Variants in INPP4B observed in about 807,000 individuals in gnomAD.
The protein encoded by INPP4B is inositol polyphosphate-4-phosphatase type II B.
In INPP4B, 55 loss-of-function variants were observed where a neutral mutation model predicts 122.5. That is an observed-to-expected ratio of 0.45 (90% CI 0.36 to 0.56). The LOEUF (loss-of-function observed/expected upper bound fraction) is 0.56, where lower values mean the gene tolerates loss of function less well. INPP4B is among the 20% of genes least tolerant of loss of function. INPP4B has a pLI of 0.00. For synonymous variants in INPP4B, 403 were observed against 388.7 expected (o/e 1.04, Z -0.43); for missense variants, 1,000 against 1,097.7 (o/e 0.91, Z 1.26).
intron 16 of INPP4B, among the ~76,000 whole-genome samples, chr4:142,166,240 T>C (rs933871369): frequency 6.6e-5 from 10 of 151,704 alleles, no homozygotes; most frequent in Non-Finnish European, 1.5e-4. Flanking sequence ...AAATTTTATA[T>C]ATGTATGAGG....
chr4:142,028,758 C>T lies in INPP4B; in HGVS notation c.*24G>A, dbSNP rs2152254131. The T allele has an allele frequency of 1.3e-6, 2 of 1,597,662 alleles. No individual in the cohort carries two copies. The highest frequency in any genetic ancestry group is 1.3e-5 in the African/African-American group (1 of 74,092). On this transcript the variant is annotated 3_prime_UTR_variant, in exon 26 of 26. Coordinates refer to ENST00000262992, the MANE Select transcript of INPP4B (RefSeq NM_001101669.3). ...ATCCAACTGAAATGTATTTGTGTTC[C>T]TGTTTATTAACATGTTGGTAAACTT... is the stretch of plus-strand genomic sequence containing the variant.
intron 11 of INPP4B, among the ~76,000 whole-genome samples, chr4:142,257,972 C>G (rs1257555840): frequency 1.3e-5 from 2 of 152,130 alleles, no homozygotes; most frequent in South Asian, 2.1e-4. Context: ...GCTACAGTAA[C>G]CAAAACAGCA....
chr4:142,392,081 A>G (rs907870226), intron 7 of INPP4B, among the ~76,000 whole-genome samples: 6 of 152,210 alleles, frequency 3.9e-5, no homozygotes, highest in Non-Finnish European at 8.8e-5. Flanking sequence ...ATATCAGAGA[A>G]AGACTGTCTT....
rs571873305 is a variant in INPP4B, at chr4:142,770,480, C to T, written c.-253-44579G>A. ...AGCATTGGTTTTCCTGCCTAATAAA[C>T]TGGCACCAGGAGCATCAAATCTTCA... On this transcript the variant is annotated intron_variant, in intron 1 of 25. Transcript: ENST00000262992. Among the ~76,000 whole-genome samples, 47 of 152,168 alleles carry T rather than the reference C, an allele frequency of 3.1e-4. 1 individual carries two copies. In the South Asian group the frequency reaches 9.3e-3, roughly 30 times the overall value.
chr4:142,227,990 A>C (rs1852365897), intron 12 of INPP4B, among the ~76,000 whole-genome samples: 1 of 151,950 alleles, frequency 6.6e-6, no homozygotes, highest in Non-Finnish European at 1.5e-5. Context: ...TTCAAAAAGA[A>C]AATTTTCTGA....
chr4:142,160,315 C>T (rs372165906), intron 17 of INPP4B, 43 bp downstream of exon 17: 2 of 1,259,638 alleles, frequency 1.6e-6, no homozygotes, highest in East Asian at 4.8e-5. Context: ...CCTTATTTCT[C>T]ATTGCCAAAC....
chr4:142,405,166 A>AGAGAGG (rs775630098), intron 6 of INPP4B, 40 bp downstream of exon 6: 2 of 1,162,296 alleles, frequency 1.7e-6, no homozygotes, highest in Non-Finnish European at 2.6e-6. Flanking sequence ...AGCAAGAGAG[A>AGAGAGG]GAGAGAGAGA....
chr4:142,323,978 A>G (rs950191889), intron 7 of INPP4B, among the ~76,000 whole-genome samples: 5 of 151,974 alleles, frequency 3.3e-5, no homozygotes, highest in Admixed American at 6.6e-5. Flanking sequence ...TGAAGCCCTT[A>G]CTCCCAAGTA....
intron 2 of INPP4B, among the ~76,000 whole-genome samples, chr4:142,634,816 G>A (rs1748734039): frequency 6.6e-6 from 1 of 151,878 alleles, no homozygotes; most frequent in South Asian, 2.1e-4. Flanking sequence ...TCTGGTCAGT[G>A]TAATAACATA....
chr4:142,527,143 T>C (rs13141068), intron 2 of INPP4B, among the ~76,000 whole-genome samples: 94 of 151,886 alleles, frequency 6.2e-4, no homozygotes, highest in Admixed American at 1.3e-3. Context: ...TAGCAATGAT[T>C]TTATCTTGGT....
chr4:142,058,911 C>T (rs369708460), intron 25 of INPP4B, among the ~76,000 whole-genome samples: 31 of 152,206 alleles, frequency 2.0e-4, no homozygotes, highest in African/African-American at 6.5e-4. Context: ...ATTATGTTTT[C>T]GTTTTACAGA....
At chr4:142,469,659 A>G (rs1013454999) in intron 2 of INPP4B, among the ~76,000 whole-genome samples, 11 of 152,180 alleles carry the variant, frequency 7.2e-5, no homozygotes, top group African/African-American at 2.4e-4. Flanking sequence ...TAGTGGGAAA[A>G]CATGGGTATC....
chr4:142,409,124 G>A (rs1376123382), intron 5 of INPP4B, among the ~76,000 whole-genome samples: 1 of 152,166 alleles, frequency 6.6e-6, no homozygotes, highest in Non-Finnish European at 1.5e-5. Context: ...GGCATCCCCA[G>A]CTCATATTTG....
At chr4:142,592,356 A>G (rs1165465497) in intron 2 of INPP4B, among the ~76,000 whole-genome samples, 2 of 152,196 alleles carry the variant, frequency 1.3e-5, no homozygotes, top group Non-Finnish European at 2.9e-5. Context: ...AATAATAATT[A>G]GCATTTAGCA....
At chr4:142,093,100 G>A (rs1346491847) in intron 23 of INPP4B, among the ~76,000 whole-genome samples, 1 of 152,046 alleles carries the variant, frequency 6.6e-6, no homozygotes, top group Middle Eastern at 3.2e-3. Flanking sequence ...TCCTCATTTT[G>A]AGATGCTCCC....
chr4:142,405,757 A>T (rs1164486315), intron 5 of INPP4B, among the ~76,000 whole-genome samples: 1 of 152,106 alleles, frequency 6.6e-6, no homozygotes, highest in African/African-American at 2.4e-5. Flanking sequence ...TTGAATTCAT[A>T]CTTGGTCCTT....
At chr4:142,574,105 A>G (rs1373242339) in intron 2 of INPP4B, among the ~76,000 whole-genome samples, 1 of 152,098 alleles carries the variant, frequency 6.6e-6, no homozygotes, top group East Asian at 1.9e-4. Context: ...GCTTTCATCA[A>G]TACCAAAAGC....
intron 16 of INPP4B, among the ~76,000 whole-genome samples, chr4:142,163,521 G>A (rs756420227): frequency 3.4e-4 from 52 of 151,842 alleles, no homozygotes; most frequent in Non-Finnish European, 4.7e-4. Context: ...AAGAAGACAC[G>A]TGAGTACAGT....
intron 7 of INPP4B, among the ~76,000 whole-genome samples, chr4:142,336,124 G>A (rs1053721596): frequency 2.0e-5 from 3 of 152,148 alleles, no homozygotes; most frequent in Admixed American, 1.3e-4. Context: ...ACCCACTCTC[G>A]GGTTCCCTCC....
Sources: gnomAD v4.1 joint callset for allele counts (sites outside exome capture counted in the v4.1 genomes callset) on GRCh38, gnomAD v4.1.1 for gene constraint, MANE v1.5 for transcripts, NCBI Gene and HGNC (gene_info 2026-07-23, HGNC 2026-07-21) for gene names.